ARL5A: variants seen among roughly 807,000 people sequenced by gnomAD.
The protein encoded by ARL5A is ADP-ribosylation factor-like protein 5A.
Under a neutral mutation model 25.9 loss-of-function variants are expected in ARL5A, and 18 were observed. The ratio of observed to expected loss-of-function variants is 0.69; its 90% CI spans 0.48 to 1.03. The LOEUF (loss-of-function observed/expected upper bound fraction) is 1.03, where lower values mean the gene tolerates loss of function less well. Among genes scored for constraint, ARL5A ranks in the 50% least tolerant of loss-of-function variants. The pLI is 0.00. For synonymous variants in ARL5A, 61 were observed against 67.5 expected, an observed-to-expected ratio of 0.90 and a Z score of 0.47; for missense variants, 170 against 211.9, an observed-to-expected ratio of 0.80 and a Z score of 1.23.
chr2:151,813,631 C>G (rs2099831135), intron 3 of ARL5A, among the ~76,000 whole-genome samples: 1 of 152,110 alleles, frequency 6.6e-6, no homozygotes, highest in African/African-American at 2.4e-5. Flanking sequence ...AAACAACGGT[C>G]AGTCTTTTAA....
At chr2:151,803,963 GA>G in intron 5 of ARL5A, among the ~76,000 whole-genome samples, 2 of 151,674 alleles carry the variant, frequency 1.3e-5, no homozygotes. Context: ...TAAAAATACA[GA>G]AAAAAATAAA....
intron 5 of ARL5A, among the ~76,000 whole-genome samples, chr2:151,805,662 C>CT (rs1355334161): frequency 6.6e-6 from 1 of 152,148 alleles, no homozygotes; most frequent in Non-Finnish European, 1.5e-5. Flanking sequence ...CACACCTATA[C>CT]AGCATGTTAC....
At chr2:151,820,660 C>A (rs370188945) in intron 1 of ARL5A, among the ~76,000 whole-genome samples, 14 of 45,080 alleles carry the variant, frequency 3.1e-4, no homozygotes, top group Admixed American at 8.2e-4. Flanking sequence ...ATCCTGTCTC[C>A]AAAAAAAAAA....
At chr2:151,812,810 A>G (rs2099831017) in intron 3 of ARL5A, among the ~76,000 whole-genome samples, 1 of 152,182 alleles carries the variant, frequency 6.6e-6, no homozygotes, top group Non-Finnish European at 1.5e-5. Context: ...TTATTTATTA[A>G]TATCAATCTG....
intron 1 of ARL5A, among the ~76,000 whole-genome samples, chr2:151,821,767 C>A (rs2099832344): frequency 6.8e-6 from 1 of 146,798 alleles, no homozygotes; most frequent in Non-Finnish European, 1.5e-5. Flanking sequence ...ACTACCATGC[C>A]CGGCTTTCTT....
chr2:151,822,842 T>C (rs2099832527), intron 1 of ARL5A, among the ~76,000 whole-genome samples: 1 of 152,208 alleles, frequency 6.6e-6, no homozygotes, highest in Non-Finnish European at 1.5e-5. Flanking sequence ...AATCAATACT[T>C]TACTGTTTTG....
At chr2:151,815,222 G>T in intron 1 of ARL5A, 23 bp from the exon 2 acceptor site, 1 of 1,562,534 alleles carries the variant, frequency 6.4e-7, no homozygotes, top group Non-Finnish European at 8.6e-7. Flanking sequence ...AAACACCAGT[G>T]ATTTTTTTTC....
chr2:151,810,513 G>T, intron 4 of ARL5A: 2 of 421,798 alleles, frequency 4.7e-6, no homozygotes, highest in South Asian at 1.7e-5. Context: ...TCCTCATTCA[G>T]TCTCCTTTCA....
chr2:151,807,893 G>A (rs918348576), intron 4 of ARL5A, among the ~76,000 whole-genome samples: 7 of 152,010 alleles, frequency 4.6e-5, no homozygotes, highest in African/African-American at 1.2e-4. Context: ...ACCCTTTTCC[G>A]AATGTAATTG....
In ARL5A at chr2:151,820,660, C is replaced by CAAAAA. The variant is rs71410438; in HGVS notation, c.47-5466_47-5462dup. Among the ~76,000 whole-genome samples, 104 of 45,040 alleles carry CAAAAA rather than the reference C, an allele frequency of 2.3e-3. 4 individuals carry two copies. The highest frequency in any genetic ancestry group is 7.4e-3 in the African/African-American group (73 of 9,862). The allele number at this position is 45,040 out of a possible 152,430, so 29.5% of individuals were successfully genotyped here. A position where few individuals can be genotyped will look rare whatever the true frequency, so the allele number is the denominator to read the frequency against. On this transcript the variant is annotated intron_variant, in intron 1 of 5. Transcript: ENST00000295087. ...GGGCGACAGAGTGAGATCCTGTCTC[C>CAAAAA]AAAAAAAAAAAAAAAAAAAAAAAAA... is the stretch of plus-strand genomic sequence containing the variant.
chr2:151,821,775 C>CTTTTTTTTTTTTTT (rs760341359), intron 1 of ARL5A, among the ~76,000 whole-genome samples: 2 of 113,542 alleles, frequency 1.8e-5, no homozygotes, highest in African/African-American at 6.8e-5. Context: ...GCCCGGCTTT[C>CTTTTTTTTTTTTTT]TTTTTTTTTT....
At position 151,799,639 on chromosome 2, in the gene ARL5A, T is replaced by C. The variant is rs2099829152; in HGVS notation, c.*3637A>G. On this transcript the variant is annotated 3_prime_UTR_variant, in exon 6 of 6. Coordinates refer to ENST00000295087, the MANE Select transcript of ARL5A (RefSeq NM_012097.4). ...AAGCATGAAAATGTTAAATATAATT[T>C]AAAGAATTCTAATATTGGCATCTAT... 6.6e-6 allele frequency: 1 copy of C among 152,156 alleles called. No individual in the cohort carries two copies. The highest frequency in any genetic ancestry group is 1.5e-5 in the Non-Finnish European group (1 of 68,034). The allele number at this position is 152,156 out of a possible 1,614,324, so 9.4% of individuals were successfully genotyped here.
intron 1 of ARL5A, among the ~76,000 whole-genome samples, chr2:151,826,613 T>C (rs2099833088): frequency 6.6e-6 from 1 of 152,234 alleles, no homozygotes; most frequent in African/African-American, 2.4e-5. Context: ...ATGATGGATG[T>C]TAAAACTAGA....
At chr2:151,805,706 A>AT (rs2099830004) in intron 5 of ARL5A, among the ~76,000 whole-genome samples, 1 of 152,138 alleles carries the variant, frequency 6.6e-6, no homozygotes, top group African/African-American at 2.4e-5. Flanking sequence ...ATAACCCAAT[A>AT]GTAAGAACTT....
intron 5 of ARL5A, among the ~76,000 whole-genome samples, chr2:151,806,515 A>G (rs961336311): frequency 1.3e-5 from 2 of 152,200 alleles, no homozygotes; most frequent in South Asian, 4.1e-4. Flanking sequence ...TTCCACTATC[A>G]TCGTAAAATG....
chr2:151,804,244 G>A (rs921802343), intron 5 of ARL5A, among the ~76,000 whole-genome samples: 5 of 152,106 alleles, frequency 3.3e-5, no homozygotes, highest in Admixed American at 1.3e-4. Context: ...AGTTATCACT[G>A]AACAACTGGT....
At chr2:151,815,310 T>C (rs2099831351) in intron 1 of ARL5A, 111 bp from the exon 2 acceptor site, 15 of 807,584 alleles carry the variant, frequency 1.9e-5, no homozygotes, top group Non-Finnish European at 2.8e-5. Context: ...CATAATTCAG[T>C]GCATGGCACT....
intron 1 of ARL5A, among the ~76,000 whole-genome samples, chr2:151,824,211 A>T (rs1418215019): frequency 1.3e-5 from 2 of 152,182 alleles, no homozygotes; most frequent in East Asian, 1.9e-4. Flanking sequence ...AACCTTTATT[A>T]TAAAATAGGC....
At chr2:151,808,245 A>T (rs1250359562) in intron 4 of ARL5A, among the ~76,000 whole-genome samples, 7 of 152,194 alleles carry the variant, frequency 4.6e-5, no homozygotes, top group Admixed American at 3.9e-4. Flanking sequence ...TTTTGGTGCC[A>T]CACTTGCAAG....
Sources: gnomAD v4.1 joint callset for allele counts (sites outside exome capture counted in the v4.1 genomes callset) on GRCh38, gnomAD v4.1.1 for gene constraint, MANE v1.5 for transcripts, NCBI Gene and HGNC (gene_info 2026-07-23, HGNC 2026-07-21) for gene names.